The following AKR1C3 variants were observed in gnomAD, a reference collection of about 807,000 sequenced individuals.
AKR1C3 encodes aldo-keto reductase family 1 member C3.
Under a neutral mutation model 43.6 loss-of-function variants are expected in AKR1C3, and 48 were observed. The ratio of observed to expected loss-of-function variants is 1.10; its 90% CI spans 0.87 to 1.40. The LOEUF (loss-of-function observed/expected upper bound fraction) is 1.40, where lower values mean the gene tolerates loss of function less well. Ranked by LOEUF, AKR1C3 falls within the 40% of genes most tolerant of loss-of-function variation. AKR1C3 has a pLI of 0.00. For missense variants in AKR1C3, 482 were observed against 391.2 expected (o/e 1.23, Z -1.96); for synonymous variants, 162 against 139.6 (o/e 1.16, Z -1.13).
Position 5,107,473 on chromosome 10 carries a change from C to T in AKR1C3, c.942C>T (p.His314=), listed in dbSNP as rs587617235. The change falls in exon 9 of 9, where the codon CAC becomes CAT. Residue 314 remains histidine (H), a synonymous_variant. Coordinates refer to ENST00000380554, the MANE Select transcript of AKR1C3 (RefSeq NM_003739.6). ...HYFNSDSFAS[H]PNYPYSDEY is the part of the protein sequence containing the mutation. The stretch of plus-strand genomic sequence containing the variant: ...ATTCTCTTTTCAGTTTTGCTAGCCA[C>T]CCTAATTATCCATATTCAGATGAAT... 2.5e-6 allele frequency: 4 copies of T among 1,582,934 alleles called. No homozygotes were observed. The African/African-American group carries it at 4.0e-5, about 16-fold the overall frequency.
chr10:5,096,361 C>T, intron 1 of AKR1C3, 49 bp from the exon 2 acceptor site: 1 of 1,580,188 alleles, frequency 6.3e-7, no homozygotes, highest in Non-Finnish European at 8.6e-7. Context: ...GCCTGAACTA[C>T]CTCTCAGCCA....
At chr10:5,065,461 G>C (rs551701160) in intron 1 of AKR1C3, among the ~76,000 whole-genome samples, 2 of 152,298 alleles carry the variant, frequency 1.3e-5, no homozygotes, top group Admixed American at 1.3e-4. Context: ...TTGGTACTTA[G>C]GAGTTGATTG....
chr10:5,100,000 G>C (rs1262450309), intron 5 of AKR1C3: 3 of 153,678 alleles, frequency 2.0e-5, no homozygotes, highest in Non-Finnish European at 4.3e-5. Flanking sequence ...ATGTCAGAAA[G>C]AGAAAAATTA....
chr10:5,092,444 T>A (rs1355553188), upstream of AKR1C3, among the ~76,000 whole-genome samples: 3 of 151,328 alleles, frequency 2.0e-5, no homozygotes, highest in Non-Finnish European at 4.4e-5. Flanking sequence ...CTTGATGGTG[T>A]CCTACAAGCC....
rs369010605 is a variant in AKR1C3 at position 5,085,944 on chromosome 10, C to T, written c.85-10466C>T. ...ATATCCCCTTTATCATTTTTTATTG[C>T]GTCTATTTGATTCTTCTCTCTTTTC... On this transcript the variant is annotated intron_variant, in intron 1 of 8. Transcript: ENST00000439082. Among the ~76,000 whole-genome samples the T allele has an allele frequency of 4.0e-4, 61 of 151,662 alleles. 1 individual carries two copies. The highest frequency in any genetic ancestry group is 3.1e-3 in the South Asian group (15 of 4,780).
At chr10:5,102,298 T>G (rs528960296) in intron 6 of AKR1C3, 88 bp downstream of exon 6, 5 of 1,581,868 alleles carry the variant, frequency 3.2e-6, no homozygotes, top group Non-Finnish European at 4.3e-6. Context: ...GTAGTTAAGT[T>G]TCAAGTGGCT....
intron 1 of AKR1C3, among the ~76,000 whole-genome samples, chr10:5,088,416 G>T (rs1452522260): frequency 3.3e-5 from 5 of 151,884 alleles, no homozygotes; most frequent in Non-Finnish European, 5.9e-5. Flanking sequence ...ACATTTATAA[G>T]TGGGGTGTTG....
chr10:5,076,734 T>G, intron 1 of AKR1C3, among the ~76,000 whole-genome samples: 1 of 152,176 alleles, frequency 6.6e-6, no homozygotes, highest in East Asian at 1.9e-4. Context: ...CTATAAGACA[T>G]ATCGTAAAAC....
In AKR1C3 at chr10:5,107,485, A is replaced by G. The variant is rs782022529; in HGVS notation, c.954A>G (p.Pro318=). The G allele has an allele frequency of 1.3e-6, 2 of 1,586,788 alleles. No individual in the cohort carries two copies. Among genetic ancestry groups the G allele is most frequent in the African/African-American group, 1.3e-5 (1 of 74,298 alleles). ...GTTTTGCTAGCCACCCTAATTATCC[A>G]TATTCAGATGAATATTAACATGGAG... is the stretch of plus-strand genomic sequence containing the variant. The part of the protein sequence containing the change: ...SDSFASHPNY[P]YSDEY Residue 318 remains proline (P), a synonymous_variant, in exon 9 of 9, where the codon CCA becomes CCG. Coordinates refer to ENST00000380554, the MANE Select transcript of AKR1C3 (RefSeq NM_003739.6).
At position 5,057,628 on chromosome 10, in the gene AKR1C3, G is replaced by T. The variant is rs139055134; in HGVS notation, c.84+8733G>T. On this transcript the variant is annotated intron_variant, in intron 1 of 8. Transcript: ENST00000439082. ...GTGGACATCATTGAATAATTCATGT[G>T]CTTTTTTCTAATTCTCCTTAGTCCT... 1.9e-3 allele frequency among the ~76,000 whole-genome samples: 295 copies of T among 152,262 alleles called. 1 individual carries two copies. The highest frequency in any genetic ancestry group is 6.7e-3 in the African/African-American group (279 of 41,544).
chr10:5,093,362 A>G (rs1284103720), upstream of AKR1C3: 2 of 152,146 alleles, frequency 1.3e-5, no homozygotes, highest in South Asian at 4.1e-4. Flanking sequence ...ATGTATAATA[A>G]TTAACTTATT....
Position 5,102,334 on chromosome 10 carries a change from T to C in AKR1C3, c.680+124T>C. Reference sequence around the variant, plus strand: ...CATGGAGAGGAAAGAGAATTGCATTTCTGACGAGATCTTGGATGATGCTGA... The same window carrying C: ...CATGGAGAGGAAAGAGAATTGCATTCCTGACGAGATCTTGGATGATGCTGA... On this transcript the variant is annotated intron_variant, in intron 6 of 8. Transcript: ENST00000380554. 3 of 1,594,060 alleles carry C rather than the reference T, an allele frequency of 1.9e-6. No individual in the cohort carries two copies. In the East Asian group the frequency reaches 6.7e-5, roughly 36 times the overall value.
intron 2 of AKR1C3, 127 bp downstream of exon 2, chr10:5,096,704 C>T (rs2131838896): frequency 7.0e-7 from 1 of 1,422,284 alleles, no homozygotes; most frequent in Non-Finnish European, 9.3e-7. Context: ...TTCACACATA[C>T]TCACATACTA....
intron 1 of AKR1C3, among the ~76,000 whole-genome samples, chr10:5,068,942 C>G (rs1838564015): frequency 6.6e-6 from 1 of 152,338 alleles, no homozygotes; most frequent in South Asian, 2.1e-4. Context: ...TTGAACATAA[C>G]TTAGACCACA....
intron 3 of AKR1C3, 185 bp downstream of exon 3, chr10:5,097,735 C>T (rs1564369312): frequency 7.2e-7 from 1 of 1,397,400 alleles, no homozygotes; most frequent in Non-Finnish European, 9.3e-7. Flanking sequence ...CTCTAATGCA[C>T]ACCTACAAGA....
chr10:5,099,374 G>T lies in AKR1C3; in HGVS notation c.495G>T (p.Val165=). 1 of 1,614,168 alleles carries T rather than the reference G, an allele frequency of 6.2e-7. No homozygotes were observed. Among genetic ancestry groups the T allele is most frequent in the Non-Finnish European group, 8.5e-7 (1 of 1,180,032 alleles). Residue 165 remains valine (V), a synonymous_variant, in exon 5 of 9, where the codon GTG becomes GTT. Coordinates refer to ENST00000380554, the MANE Select transcript of AKR1C3 (RefSeq NM_003739.6). ...CAGGATTGGCCAAGTCCATTGGGGT[G>T]TCAAACTTCAACCGCAGGCAGCTGG... ...KDAGLAKSIG[V]SNFNRRQLEM...
rs1554785343 is a variant in AKR1C3, at chr10:5,097,532, T to C, written c.351T>C (p.His117=). ...QLDYVDLYLI[H]SPMSLKPGEE... is the part of the protein sequence containing the mutation. ...ACTATGTTGACCTCTATCTTATTCA[T>C]TCTCCAATGTCTCTAAAGGTATGCA... Residue 117 remains histidine, a synonymous_variant, in exon 3 of 9, where the codon CAT becomes CAC. Coordinates refer to ENST00000380554, the MANE Select transcript of AKR1C3 (RefSeq NM_003739.6). 1.2e-6 allele frequency: 2 copies of C among 1,613,764 alleles called. No homozygotes were observed. Among genetic ancestry groups the C allele is most frequent in the Non-Finnish European group, 8.5e-7 (1 of 1,179,674 alleles).
At chr10:5,061,992 A>G (rs1403828515) in intron 1 of AKR1C3, among the ~76,000 whole-genome samples, 1 of 152,256 alleles carries the variant, frequency 6.6e-6, no homozygotes, top group African/African-American at 2.4e-5. Context: ...AAAATTGCAC[A>G]AAGTTTTCAA....
Position 5,105,601 on chromosome 10 carries a change from G to C in AKR1C3, c.853G>C (p.Glu285Gln). 1.2e-6 allele frequency: 2 copies of C among 1,613,270 alleles called. No homozygotes were observed. Among genetic ancestry groups the C allele is most frequent in the South Asian group, 1.1e-5 (1 of 90,944 alleles). Residue 285 changes from glutamate (E) to glutamine (Q), a missense_variant, in exon 8 of 9, where the codon GAG becomes CAG. Glu to Gln is a conservative substitution (Grantham distance 29). Transcript: ENST00000380554. Reference protein sequence around the residue: ...QRIRQNVQVFEFQLTAEDMKA... With the variant: ...QRIRQNVQVFQFQLTAEDMKA... ...AGTTTTTTATTTCTGATAGGTTTTT[G>C]AGTTCCAGTTGACTGCAGAGGACAT...
Sources: gnomAD v4.1 joint callset for allele counts (sites outside exome capture counted in the v4.1 genomes callset) on GRCh38, gnomAD v4.1.1 for gene constraint, MANE v1.5 for transcripts, NCBI Gene and HGNC (gene_info 2026-07-23, HGNC 2026-07-21) for gene names.